The following ASIC2 variants were observed in gnomAD, a reference collection of about 807,000 sequenced individuals.
ASIC2 encodes the protein acid-sensing ion channel 2.
Under a neutral mutation model 57.3 loss-of-function variants are expected in ASIC2, and 25 were observed. That is an observed-to-expected ratio of 0.44 (90% CI 0.32 to 0.61). ASIC2 has a LOEUF of 0.61. ASIC2 is among the 20% of genes least tolerant of loss of function. The probability of loss-of-function intolerance (pLI) is 0.06; values close to 1 mark genes in which losing one functional copy is unlikely to be tolerated. For missense variants in ASIC2, 641 were observed against 738.1 expected, an observed-to-expected ratio of 0.87 and a Z score of 1.52; for synonymous variants, 319 against 307.5, an observed-to-expected ratio of 1.04 and a Z score of -0.39.
At chr17:33,310,306 G>A (rs1364947464) in intron 1 of ASIC2, among the ~76,000 whole-genome samples, 1 of 151,998 alleles carries the variant, frequency 6.6e-6, no homozygotes, top group African/African-American at 2.4e-5. Context: ...AACTTACTCT[G>A]TGCCTTTGTC....
At chr17:33,723,934 G>A (rs1034173148) in intron 1 of ASIC2, among the ~76,000 whole-genome samples, 13 of 152,244 alleles carry the variant, frequency 8.5e-5, no homozygotes, top group African/African-American at 3.1e-4. Flanking sequence ...AAATCATGCA[G>A]GACTTTACAG....
At chr17:33,751,286 C>T (rs1266193313) in intron 1 of ASIC2, among the ~76,000 whole-genome samples, 1 of 152,186 alleles carries the variant, frequency 6.6e-6, no homozygotes, top group Admixed American at 6.5e-5. Flanking sequence ...CGCCCTGACA[C>T]GGCACCAATG....
intron 3 of ASIC2, among the ~76,000 whole-genome samples, chr17:33,038,075 C>A (rs1221958423): frequency 6.6e-6 from 1 of 152,156 alleles, no homozygotes; most frequent in African/African-American, 2.4e-5. Context: ...CCTCGAACTC[C>A]TCTCTTTCAT....
chr17:34,014,926 C>T (rs1004712887), intron 1 of ASIC2, among the ~76,000 whole-genome samples: 2 of 151,768 alleles, frequency 1.3e-5, no homozygotes, highest in African/African-American at 4.9e-5. Flanking sequence ...GCTCTGTCAC[C>T]CAGGCTGATG....
intron 1 of ASIC2, among the ~76,000 whole-genome samples, chr17:34,152,667 G>A (rs1904571001): frequency 2.0e-5 from 3 of 152,232 alleles, no homozygotes; most frequent in Admixed American, 6.5e-5. Flanking sequence ...CTGTGGGTTA[G>A]TAAGTCAAAT....
chr17:33,402,419 C>G (rs1910316996), intron 1 of ASIC2, among the ~76,000 whole-genome samples: 1 of 152,200 alleles, frequency 6.6e-6, no homozygotes, highest in African/African-American at 2.4e-5. Context: ...TCCATTAGCT[C>G]TTTTCCCTAA....
At chr17:34,033,539 A>T (rs1455498036) in intron 1 of ASIC2, among the ~76,000 whole-genome samples, 1 of 152,198 alleles carries the variant, frequency 6.6e-6, no homozygotes. Context: ...GGAAATAGAG[A>T]CACAAAAAAC....
chr17:33,795,070 A>G (rs1911877235), intron 1 of ASIC2, among the ~76,000 whole-genome samples: 1 of 152,234 alleles, frequency 6.6e-6, no homozygotes, highest in African/African-American at 2.4e-5. Flanking sequence ...CATGGTAATC[A>G]GAGCAAAGCT....
chr17:33,826,613 TA>T (rs1410237348), intron 1 of ASIC2, among the ~76,000 whole-genome samples: 2 of 152,158 alleles, frequency 1.3e-5, no homozygotes. Context: ...GTTTCAGAGC[TA>T]GGGAAGGACT....
chr17:33,698,420 A>G (rs1439842423), intron 1 of ASIC2, among the ~76,000 whole-genome samples: 1 of 152,184 alleles, frequency 6.6e-6, no homozygotes, highest in Non-Finnish European at 1.5e-5. Context: ...GGCACATAGG[A>G]AGTTTTCAAA....
intron 1 of ASIC2, among the ~76,000 whole-genome samples, chr17:34,121,706 G>A: frequency 6.6e-6 from 1 of 152,270 alleles, no homozygotes; most frequent in African/African-American, 2.4e-5. Flanking sequence ...TCATGATGAA[G>A]GCTGTAACCA....
At chr17:33,730,795 A>G (rs1209678097) in intron 1 of ASIC2, among the ~76,000 whole-genome samples, 10 of 152,148 alleles carry the variant, frequency 6.6e-5, no homozygotes, top group Non-Finnish European at 2.9e-5. Flanking sequence ...GTAGGTGTCT[A>G]TGTGGTTACT....
chr17:33,335,935 G>T (rs1907497307), intron 1 of ASIC2, among the ~76,000 whole-genome samples: 1 of 152,200 alleles, frequency 6.6e-6, no homozygotes, highest in African/African-American at 2.4e-5. Flanking sequence ...TTAAGCAGCA[G>T]AATCTCCTTT....
At chr17:33,099,199 T>G (rs1424558687) in intron 2 of ASIC2, among the ~76,000 whole-genome samples, 1 of 152,020 alleles carries the variant, frequency 6.6e-6, no homozygotes, top group Non-Finnish European at 1.5e-5. Context: ...TTATTTTTAG[T>G]GGAGACGGGG....
intron 1 of ASIC2, among the ~76,000 whole-genome samples, chr17:33,262,800 G>T (rs547302021): frequency 6.6e-6 from 1 of 152,128 alleles, no homozygotes; most frequent in Non-Finnish European, 1.5e-5. Context: ...AAAGAATAAA[G>T]TACTATGAGA....
intron 1 of ASIC2, among the ~76,000 whole-genome samples, chr17:33,135,996 G>C (rs936090725): frequency 1.3e-5 from 2 of 152,180 alleles, no homozygotes; most frequent in Non-Finnish European, 2.9e-5. Context: ...GGGTAGCAAA[G>C]TAATGGCTGC....
intron 1 of ASIC2, among the ~76,000 whole-genome samples, chr17:33,390,132 G>A (rs1909837962): frequency 6.6e-6 from 1 of 152,022 alleles, no homozygotes; most frequent in Non-Finnish European, 1.5e-5. Context: ...GGCTAGCATG[G>A]CAAAACCCTG....
At chr17:33,915,472 C>T (rs1173233359) in intron 1 of ASIC2, among the ~76,000 whole-genome samples, 3 of 152,194 alleles carry the variant, frequency 2.0e-5, no homozygotes, top group Admixed American at 2.0e-4. Context: ...CCTTGGGGTC[C>T]TCTTCTCAGC....
At chr17:33,477,416 C>G (rs929606984) in intron 1 of ASIC2, among the ~76,000 whole-genome samples, 1 of 152,134 alleles carries the variant, frequency 6.6e-6, no homozygotes, top group Non-Finnish European at 1.5e-5. Context: ...TGGCTCTGTC[C>G]CTGCCTGGCT....
Sources: gnomAD v4.1 joint callset for allele counts (sites outside exome capture counted in the v4.1 genomes callset) on GRCh38, gnomAD v4.1.1 for gene constraint, MANE v1.5 for transcripts, NCBI Gene and HGNC (gene_info 2026-07-23, HGNC 2026-07-21) for gene names.